Variants in ABR observed in about 807,000 individuals in gnomAD.
ABR encodes ABR activator of RhoGEF and GTPase.
In ABR, 35 loss-of-function variants were observed where a neutral mutation model predicts 107.2. The ratio of observed to expected loss-of-function variants is 0.33; its 90% confidence interval spans 0.25 to 0.43. The LOEUF (loss-of-function observed/expected upper bound fraction) is 0.43. Ranked by LOEUF, ABR falls within the 20% of genes least tolerant of loss-of-function variation. The pLI, the probability that ABR is intolerant of heterozygous loss-of-function variation, is 1.00. For synonymous variants in ABR, 498 were observed against 462.0 expected, an observed-to-expected ratio of 1.08 and a Z score of -1.00; for missense variants, 815 against 1,115.2, an observed-to-expected ratio of 0.73 and a Z score of 3.83.
rs954234855 is a variant in ABR at position 1,070,157 on chromosome 17, C to T, written c.895-67G>A. On this transcript the variant is annotated intron_variant, in intron 8 of 22. Transcript: ENST00000302538. This position sits in a 1 kb window ranked among gnomAD's most constrained non-coding sequence, Gnocchi z 4.2. ...TGCGGCCGAGGGCAGAGCCTGCACA[C>T]GGGGGCACGGCCAGCCAGGGAGGAC... 1.3e-5 allele frequency: 21 copies of T among 1,593,440 alleles called. No homozygotes were observed. Among genetic ancestry groups the T allele is most frequent in the East Asian group, 4.5e-5 (2 of 44,458 alleles).
chr17:1,164,502 G>A (rs1207074628), intron 1 of ABR, among the ~76,000 whole-genome samples: 1 of 151,462 alleles, frequency 6.6e-6, no homozygotes, highest in Non-Finnish European at 1.5e-5. Context: ...CCAGACTCAG[G>A]GACCCCAGAT....
At chr17:1,080,314 C>T (rs537729853) in intron 5 of ABR, among the ~76,000 whole-genome samples, 35 of 152,146 alleles carry the variant, frequency 2.3e-4, no homozygotes, top group Non-Finnish European at 4.6e-4. Flanking sequence ...CCTCCTGGAT[C>T]CCAAGCCAGG....
chr17:1,165,657 G>A (rs976393076), intron 1 of ABR, among the ~76,000 whole-genome samples: 10 of 151,996 alleles, frequency 6.6e-5, no homozygotes, highest in Admixed American at 2.0e-4. Flanking sequence ...TCAGCCTCCC[G>A]AGTAGCTGGG....
At chr17:1,177,543 G>C (rs1258494053) in intron 1 of ABR, among the ~76,000 whole-genome samples, 1 of 152,208 alleles carries the variant, frequency 6.6e-6, no homozygotes, top group Non-Finnish European at 1.5e-5. Flanking sequence ...TTTCAAGGTG[G>C]CCTCAGGCAA....
chr17:1,181,413 T>A (rs3813443), upstream of ABR, among the ~76,000 whole-genome samples: 6,636 of 150,710 alleles, frequency 0.044, 196 homozygotes, highest in East Asian at 0.14. Flanking sequence ...GCAGCAGAAG[T>A]GGTTTTCAAT....
intron 6 of ABR, chr17:1,079,071 G>A: frequency 7.0e-7 from 1 of 1,433,608 alleles, no homozygotes; most frequent in Non-Finnish European, 9.1e-7. Context: ...GGGGTAGGGA[G>A]GGAGGGAGCC....
chr17:1,143,571 T>C (rs1265247300), intron 1 of ABR, among the ~76,000 whole-genome samples: 1 of 150,570 alleles, frequency 6.6e-6, no homozygotes. Context: ...GTTGCAGGAG[T>C]TGTTTGCTCC....
Position 1,146,665 on chromosome 17 carries a change from AC to A in ABR, c.62-21299del, listed in dbSNP as rs67743896. Reference sequence around the variant, plus strand: ...ACCACTGCCACATGCCACCACTGCCACCAGGCCACCACTGCCACACGACACC... The same window carrying A: ...ACCACTGCCACATGCCACCACTGCCACAGGCCACCACTGCCACACGACACC... On this transcript the variant is annotated intron_variant, in intron 1 of 22. Coordinates refer to ENST00000302538, the MANE Select transcript of ABR (RefSeq NM_021962.5). Among the ~76,000 whole-genome samples the A allele has an allele frequency of 4.3e-4, 50 of 115,566 alleles. 2 individuals are homozygous for A. Among genetic ancestry groups the A allele is most frequent in the Non-Finnish European group, 6.7e-4 (38 of 56,406 alleles). 75.8% of individuals were successfully genotyped at this position (115,566 alleles called of 152,430 possible). A position where few individuals can be genotyped will look rare whatever the true frequency, so the allele number is the denominator to read the frequency against.
In ABR at chr17:1,010,271, G is replaced by A. The variant is rs1447415944; in HGVS notation, c.2236+458C>T. The stretch of plus-strand genomic sequence containing the variant: ...TTGGGGCTGGGTTTGGCCCAGGTGG[G>A]TGGAGGCGGAAGGCCTGCTGGCCGG... On this transcript the variant is annotated intron_variant, in intron 20 of 22. Coordinates refer to ENST00000302538, the MANE Select transcript of ABR (RefSeq NM_021962.5). The surrounding 1 kb of genome is among the most constrained non-coding windows in gnomAD (Gnocchi z 4.1). The A allele has an allele frequency of 2.7e-5, 6 of 223,464 alleles. No homozygotes were observed. Among genetic ancestry groups the A allele is most frequent in the Non-Finnish European group, 5.4e-5 (6 of 111,234 alleles). 13.8% of individuals were successfully genotyped at this position (223,464 alleles called of 1,614,324 possible).
At position 1,069,059 on chromosome 17, in the gene ABR, C is replaced by T. The variant is rs75337586; in HGVS notation, c.1016+910G>A. Among the ~76,000 whole-genome samples the T allele has an allele frequency of 6.0e-3, 907 of 152,180 alleles. 11 individuals carry two copies. Among genetic ancestry groups the T allele is most frequent in the African/African-American group, 0.021 (858 of 41,520 alleles). ...GCTTAAGTAGACGATGGCACATCTA[C>T]GGGTAACATCGTGCAGGAAAGTAAA... On this transcript the variant is annotated intron_variant, in intron 9 of 22. Transcript: ENST00000302538.
At chr17:1,188,504 C>T (rs976666292), upstream of ABR, among the ~76,000 whole-genome samples, 1 of 150,784 alleles carries the variant, frequency 6.6e-6, no homozygotes, top group Non-Finnish European at 1.5e-5. Flanking sequence ...GAACCAAGAT[C>T]GCACCACTGT....
chr17:1,020,860 C>G (rs1188191139), intron 16 of ABR, among the ~76,000 whole-genome samples: 1 of 152,154 alleles, frequency 6.6e-6, no homozygotes, highest in Non-Finnish European at 1.5e-5. Context: ...ATTTCTCCTG[C>G]CTCTGCCCGG....
chr17:1,047,072 G>A (rs1029819409), intron 16 of ABR, among the ~76,000 whole-genome samples: 1 of 152,318 alleles, frequency 6.6e-6, no homozygotes, highest in Non-Finnish European at 1.5e-5. Flanking sequence ...CGCTTAGGCC[G>A]TAGGGCCCCT....
At chr17:1,069,794 G>A (rs1051216550) in intron 9 of ABR, among the ~76,000 whole-genome samples, 175 bp downstream of exon 9, 3 of 7,574 alleles carry the variant, frequency 4.0e-4, no homozygotes, top group South Asian at 0.01. Context: ...CCCCTCCCCC[G>A]CCCCTGGACT....
rs2069987814 is a variant in ABR, at chr17:1,005,901, C to A, written c.*179G>T. On this transcript the variant is annotated 3_prime_UTR_variant, in exon 23 of 23. Transcript: ENST00000302538. ...ATGCGGTGGTGAGGCTGGGGCTGGG[C>A]AGCCGGCTTTGTACAAGGTGGCACA... The A allele has an allele frequency of 1.6e-6, 1 of 641,918 alleles. No individual in the cohort carries two copies. Among genetic ancestry groups the A allele is most frequent in the Non-Finnish European group, 2.8e-6 (1 of 361,044 alleles). The allele number at this position is 641,918 out of a possible 1,614,324, so 39.8% of individuals were successfully genotyped here. A position where few individuals can be genotyped will look rare whatever the true frequency, so the allele number is the denominator to read the frequency against.
chr17:1,226,438 G>C (rs757530189), intron 1 of ABR, among the ~76,000 whole-genome samples: 1 of 152,222 alleles, frequency 6.6e-6, no homozygotes, highest in East Asian at 1.9e-4. Flanking sequence ...GTATATACGT[G>C]TGCAGGTGTG....
intron 1 of ABR, among the ~76,000 whole-genome samples, chr17:1,146,752 ACT>A (rs1213579730): frequency 1.5e-5 from 2 of 130,524 alleles, no homozygotes; most frequent in Admixed American, 7.8e-5. Flanking sequence ...CACTGCCACC[ACT>A]GCCACATGAC....
intron 16 of ABR, among the ~76,000 whole-genome samples, chr17:1,049,690 TC>T (rs2032226329): frequency 6.6e-6 from 1 of 152,070 alleles, no homozygotes; most frequent in Non-Finnish European, 1.5e-5. Flanking sequence ...CAGACACGGC[TC>T]CTCACACACA....
intron 1 of ABR, among the ~76,000 whole-genome samples, chr17:1,206,109 C>G (rs1000741274): frequency 6.6e-6 from 1 of 152,080 alleles, no homozygotes; most frequent in South Asian, 2.1e-4. Context: ...AAGGAGACTC[C>G]GTCTCAAAAA....
Sources: gnomAD v4.1 joint callset for allele counts (sites outside exome capture counted in the v4.1 genomes callset) on GRCh38, gnomAD v4.1.1 for gene constraint, Gnocchi (gnomAD v3.1) non-coding constraint, MANE v1.5 for transcripts, NCBI Gene and HGNC (gene_info 2026-07-23, HGNC 2026-07-21) for gene names.